Variants in MRPL2 observed in about 807,000 individuals in gnomAD.
MRPL2 encodes large ribosomal subunit protein uL2m.
MRPL2 carries 27 observed loss-of-function variants against 34.6 expected under a neutral mutation model. The ratio of observed to expected loss-of-function variants is 0.78; its 90% CI spans 0.58 to 1.08. The LOEUF (loss-of-function observed/expected upper bound fraction) is 1.08, where lower values mean the gene tolerates loss of function less well. MRPL2 is among the 50% of genes least tolerant of loss of function. The pLI is 0.00. For synonymous variants in MRPL2, 155 were observed against 158.0 expected (o/e 0.98, Z 0.14); for missense variants, 414 against 419.3 (o/e 0.99, Z 0.11).
At position 43,054,318 on chromosome 6, in the gene MRPL2, T is replaced by G. The variant is rs542565490; in HGVS notation, c.874A>C (p.Met292Leu). 11 of 1,611,684 alleles carry G rather than the reference T, an allele frequency of 6.8e-6. No homozygotes were observed. The highest frequency in any genetic ancestry group is 9.3e-6 in the Non-Finnish European group (11 of 1,179,554). Residue 292 changes from methionine (M) to leucine (L), a missense_variant, in exon 7 of 7, where the codon ATG (methionine) becomes CTG (leucine). Physicochemically the swap from Met to Leu is conservative, Grantham distance 15. Transcript: ENST00000388752. ...AGRKIRPLPPMKSYVKLPSAS... is the reference protein window; with the variant it reads ...AGRKIRPLPPLKSYVKLPSAS... Reference sequence around the variant, plus strand: ...GAAGGCAGCTTCACGTAACTCTTCATGGGGGGTAGTGGCCGAATCTTTCGG... The same window carrying G: ...GAAGGCAGCTTCACGTAACTCTTCAGGGGGGGTAGTGGCCGAATCTTTCGG...
Position 43,054,038 on chromosome 6 carries a change from C to T in MRPL2, c.*236G>A. 1 of 652,550 alleles carries T rather than the reference C, an allele frequency of 1.5e-6. No individual in the cohort carries two copies. Among genetic ancestry groups the T allele is most frequent in the Non-Finnish European group, 2.6e-6 (1 of 386,568 alleles). The allele number at this position is 652,550 out of a possible 1,614,324, so 40.4% of individuals were successfully genotyped here. On this transcript the variant is annotated 3_prime_UTR_variant, in exon 7 of 7. Coordinates refer to ENST00000388752, the MANE Select transcript of MRPL2 (RefSeq NM_015950.5). ...AGTCAGAACTGGAAAAGACCTTGGA[C>T]GTCATTTATTTCCATCCCCGGCTCC...
intron 2 of MRPL2, chr6:43,057,730 C>T (rs557304089): frequency 8.8e-6 from 3 of 341,542 alleles, no homozygotes; most frequent in South Asian, 9.8e-5. Flanking sequence ...CTGCCCGCCT[C>T]GGCCTCCCAA....
In MRPL2 at chr6:43,054,342, G is replaced by A. The variant is rs771712024; in HGVS notation, c.850C>T (p.Arg284Ter). 1.9e-6 allele frequency: 3 copies of A among 1,613,664 alleles called. No individual in the cohort carries two copies. Among genetic ancestry groups the A allele is most frequent in the East Asian group, 2.2e-5 (1 of 44,858 alleles). The change falls in exon 7 of 7, where the codon CGA (arginine) becomes TGA (stop). Residue 284 changes from arginine to a stop codon, truncating the protein, a stop_gained. Transcript: ENST00000388752. LOFTEE classifies it high-confidence loss of function. ...RWHRKGGWAG[R>*]KIRPLPPMKS... Reference sequence around the variant, plus strand: ...ATGGGGGGTAGTGGCCGAATCTTTCGGCCAGCCCAGCCCCCCTTGCGGTGC... The same window carrying A: ...ATGGGGGGTAGTGGCCGAATCTTTCAGCCAGCCCAGCCCCCCTTGCGGTGC...
rs1000465372 is a variant in MRPL2, at chr6:43,054,079, A to C, written c.*195T>G. Reference sequence around the variant, plus strand: ...CCCCGGCTCCATTACTTGTAAGGGAATTGGGGTGGGGACAGACCCAGTGTC... The same window carrying C: ...CCCCGGCTCCATTACTTGTAAGGGACTTGGGGTGGGGACAGACCCAGTGTC... On this transcript the variant is annotated 3_prime_UTR_variant, in exon 7 of 7. Transcript: ENST00000388752. 4.8e-6 allele frequency: 3 copies of C among 631,242 alleles called. No individual in the cohort carries two copies. Among genetic ancestry groups the C allele is most frequent in the Non-Finnish European group, 8.2e-6 (3 of 367,488 alleles). 39.1% of individuals were successfully genotyped at this position (631,242 alleles called of 1,614,324 possible). A position where few individuals can be genotyped will look rare whatever the true frequency, so the allele number is the denominator to read the frequency against.
rs975307729 is a variant in MRPL2, at chr6:43,059,336, C to A, written c.46G>T (p.Ala16Ser). 6.4e-7 allele frequency: 1 copy of A among 1,552,216 alleles called. No homozygotes were observed. Among genetic ancestry groups the A allele is most frequent in the Admixed American group, 2.0e-5 (1 of 51,104 alleles). ...LTRALRSLNL[A>S]PPTVAAPAPS... ...GCAGGGGCGGCGACGGTCGGGGGCGCCAGGTTCAGAGAGCGCAGAGCGCGG... is the reference window on the plus strand; with the variant it reads ...GCAGGGGCGGCGACGGTCGGGGGCGACAGGTTCAGAGAGCGCAGAGCGCGG... The change falls in exon 1 of 7, where the codon GCG becomes TCG. Residue 16 changes from alanine to serine, a missense_variant. Transcript: ENST00000388752.
In MRPL2 at chr6:43,054,473, C is replaced by G. The variant is rs1764754988; in HGVS notation, c.719G>C (p.Cys240Ser). The G allele has an allele frequency of 6.2e-7, 1 of 1,613,998 alleles. No homozygotes were observed. Among genetic ancestry groups the G allele is most frequent in the African/African-American group, 1.3e-5 (1 of 74,928 alleles). ...SKRQMQVLET[C>S]VATVGRVSNV... ...GGATACTCGGCCTACTGTTGCTACG[C>G]ACGTTTCCAGCACCTGACAGAGAAA... Residue 240 changes from cysteine (C) to serine (S), a missense_variant, in exon 7 of 7, where the codon TGC (cysteine) becomes TCC (serine). Transcript: ENST00000388752.
In MRPL2 at chr6:43,056,394, ATTCGATAAC is replaced by A. The variant is rs1561905761; in HGVS notation, c.308_316del (p.Arg103_Met106delinsLeu). 2 of 1,614,152 alleles carry A rather than the reference ATTCGATAAC, an allele frequency of 1.2e-6. No individual in the cohort carries two copies. Among genetic ancestry groups the A allele is most frequent in the South Asian group, 1.1e-5 (1 of 91,082 alleles). Reference sequence around the variant, plus strand: ...AGGCCGGAAACGCAGAAAGTCAATCATTCGATAACGTTGCTTGTGGCCCCCGCCAATACC... The same window carrying A: ...AGGCCGGAAACGCAGAAAGTCAATCAGTTGCTTGTGGCCCCCGCCAATACC... On this transcript the variant is annotated inframe_deletion, in exon 3 of 7. Transcript: ENST00000388752.
intron 5 of MRPL2, 44 bp downstream of exon 5, chr6:43,055,853 T>C: frequency 6.4e-7 from 1 of 1,558,940 alleles, no homozygotes; most frequent in Non-Finnish European, 8.7e-7. Context: ...AGACTCTCCT[T>C]GCCTTTCCAA....
At chr6:43,059,527 A>G (rs970308549), upstream of MRPL2, 23 of 1,428,434 alleles carry the variant, frequency 1.6e-5, no homozygotes, top group Non-Finnish European at 1.9e-5. Flanking sequence ...TCCTACCTGA[A>G]CGCCGTGAGA....
chr6:43,059,212 G>A, intron 1 of MRPL2, 74 bp downstream of exon 1: 1 of 1,550,870 alleles, frequency 6.4e-7, no homozygotes, highest in Non-Finnish European at 8.7e-7. Context: ...CGCAACTCCC[G>A]CCTCGCATGC....
At position 43,058,166 on chromosome 6, in the gene MRPL2, G is replaced by GT; in HGVS notation, c.163dup (p.Thr55AsnfsTer6). ...AAAGTTGGCATTAAGGGCCACAGAA[G>GT]TAAGAACTGGGCGGCAGGGGAGCAA... On this transcript the variant is annotated frameshift_variant, in exon 2 of 7. Transcript: ENST00000388752. LOFTEE classifies it high-confidence loss of function. The GT allele has an allele frequency of 1.2e-6, 2 of 1,614,246 alleles. No individual in the cohort carries two copies. Among genetic ancestry groups the GT allele is most frequent in the South Asian group, 1.1e-5 (1 of 91,084 alleles).
chr6:43,056,916 G>A (rs568449923), intron 2 of MRPL2, among the ~76,000 whole-genome samples: 36 of 152,270 alleles, frequency 2.4e-4, no homozygotes, highest in African/African-American at 8.2e-4. Context: ...CTTGTGATCC[G>A]CCCACCTTGG....
Position 43,054,249 on chromosome 6 carries a change from G to GC in MRPL2, c.*24_*25insG, listed in dbSNP as rs768016706. ...GTAACAGATTAAAACGGGGGGGGGGGGCATTTTATTAGAGTACAGGGATAT... is the reference window on the plus strand; with the variant it reads ...GTAACAGATTAAAACGGGGGGGGGGGCGCATTTTATTAGAGTACAGGGATAT... On this transcript the variant is annotated 3_prime_UTR_variant, in exon 7 of 7. Transcript: ENST00000388752. 9 of 1,378,528 alleles carry GC rather than the reference G, an allele frequency of 6.5e-6. No individual in the cohort carries two copies. The highest frequency in any genetic ancestry group is 1.5e-5 in the African/African-American group (1 of 68,096). The allele number at this position is 1,378,528 out of a possible 1,614,324, so 85.4% of individuals were successfully genotyped here.
chr6:43,059,608 A>T (rs1163154345), upstream of MRPL2: 34 of 1,393,266 alleles, frequency 2.4e-5, no homozygotes, highest in South Asian at 3.4e-5. Context: ...CCGTCAAAAC[A>T]ATTGCCTCGA....
Position 43,054,098 on chromosome 6 carries a change from C to A in MRPL2, c.*176G>T. On this transcript the variant is annotated 3_prime_UTR_variant, in exon 7 of 7. Transcript: ENST00000388752. ...AAGGGAATTGGGGTGGGGACAGACC[C>A]AGTGTCCTGTACTTTCTCTTCCACA... 1.6e-6 allele frequency: 1 copy of A among 637,884 alleles called. No individual in the cohort carries two copies. 39.5% of individuals were successfully genotyped at this position (637,884 alleles called of 1,614,324 possible). A position where few individuals can be genotyped will look rare whatever the true frequency, so the allele number is the denominator to read the frequency against.
In MRPL2 at chr6:43,059,329, G is replaced by C. The variant is rs761419899; in HGVS notation, c.53C>G (p.Pro18Arg). The change falls in exon 1 of 7, where the codon CCG (proline) becomes CGG (arginine). Residue 18 changes from proline to arginine, a missense_variant. Pro to Arg is a moderately radical substitution (Grantham distance 103, BLOSUM62 -2). Coordinates refer to ENST00000388752, the MANE Select transcript of MRPL2 (RefSeq NM_015950.5). ...RALRSLNLAP[P>R]TVAAPAPSLF... ...ACTCGGGGCAGGGGCGGCGACGGTC[G>C]GGGGCGCCAGGTTCAGAGAGCGCAG... The C allele has an allele frequency of 4.5e-6, 7 of 1,551,882 alleles. No individual in the cohort carries two copies. Among genetic ancestry groups the C allele is most frequent in the Admixed American group, 3.9e-5 (2 of 51,072 alleles).
chr6:43,057,937 G>A lies in MRPL2; in HGVS notation c.265+128C>T, dbSNP rs1020489664. 28 of 1,041,386 alleles carry A rather than the reference G, an allele frequency of 2.7e-5. No individual in the cohort carries two copies. The African/African-American group carries it at 4.5e-4, about 17-fold the overall frequency. 64.5% of individuals were successfully genotyped at this position (1,041,386 alleles called of 1,614,324 possible). ...TCCTGTACACATACTACATGCAAAA[G>A]GAGCCAAATAAGTGCTTTTTAATTA... On this transcript the variant is annotated intron_variant, in intron 2 of 6. Transcript: ENST00000388752.
intron 6 of MRPL2, among the ~76,000 whole-genome samples, chr6:43,055,332 C>G (rs1561904011): frequency 6.6e-6 from 1 of 151,966 alleles, no homozygotes; most frequent in Non-Finnish European, 1.5e-5. Context: ...GCACTCCAGC[C>G]TGGGCGACAG....
At chr6:43,054,509 A>C in intron 6 of MRPL2, 23 bp from the exon 7 acceptor site, 1 of 1,597,174 alleles carries the variant, frequency 6.3e-7, no homozygotes, top group African/African-American at 1.3e-5. Context: ...ACAGATGGAG[A>C]TTCTGTACAA....
Sources: allele counts gnomAD v4.1 joint callset (sites outside exome capture counted in the v4.1 genomes callset), GRCh38; gene constraint gnomAD v4.1.1; transcripts MANE v1.5; gene names NCBI Gene and HGNC (gene_info 2026-07-23, HGNC 2026-07-21).